The following PDPK1 variants were observed in gnomAD, a reference collection of about 807,000 sequenced individuals.
PDPK1 encodes the protein 3-phosphoinositide dependent protein kinase 1, also known as 3-phosphoinositide-dependent protein kinase 1.
A neutral mutation model predicts 39.8 loss-of-function variants in PDPK1; 7 were observed. That is an observed-to-expected ratio of 0.18 (90% CI 0.10 to 0.33). The LOEUF (loss-of-function observed/expected upper bound fraction) is 0.33. Ranked by LOEUF, PDPK1 falls within the 10% of genes least tolerant of loss-of-function variation. The pLI is 1.00. For missense variants in PDPK1, 182 were observed against 384.7 expected (o/e 0.47, Z 4.41); for synonymous variants, 118 against 159.1 (o/e 0.74, Z 1.95).
rs139080760 is a variant in PDPK1 at position 2,595,678 on chromosome 16, G to T, written c.1344-115G>T. On this transcript the variant is annotated intron_variant, in intron 11 of 13. Coordinates refer to ENST00000342085, the MANE Select transcript of PDPK1 (RefSeq NM_002613.5). The stretch of plus-strand genomic sequence containing the variant: ...CGTTCTCTGCTCATCCCAAAGTGAG[G>T]CTGGCTCTGTGAGGGGCAGGCCGAG... The T allele has an allele frequency of 9.2e-4, 733 of 796,782 alleles. 5 individuals carry two copies. The African/African-American group carries it at 0.011, about 12-fold the overall frequency. The allele number at this position is 796,782 out of a possible 1,614,324, so 49.4% of individuals were successfully genotyped here. A position where few individuals can be genotyped will look rare whatever the true frequency, so the allele number is the denominator to read the frequency against.
At position 2,597,483 on chromosome 16, in the gene PDPK1, G is replaced by A. The variant is rs527719535; in HGVS notation, c.1555-168G>A. On this transcript the variant is annotated intron_variant, in intron 13 of 13. Coordinates refer to ENST00000342085, the MANE Select transcript of PDPK1 (RefSeq NM_002613.5). This position sits in a 1 kb window ranked among gnomAD's most constrained non-coding sequence, Gnocchi z 6.3. The stretch of plus-strand genomic sequence containing the variant: ...CTTGTTTTTCAGTTTGGTGGTGACT[G>A]GGGGTGGTGGTCATCAGCCTGTGTA... Among the ~76,000 whole-genome samples the A allele has an allele frequency of 2.0e-5, 3 of 152,214 alleles. No individual in the cohort carries two copies. Among genetic ancestry groups the A allele is most frequent in the African/African-American group, 4.8e-5 (2 of 41,456 alleles).
At chr16:2,553,172 A>T (rs1474630094) in intron 1 of PDPK1, among the ~76,000 whole-genome samples, 1 of 130,840 alleles carries the variant, frequency 7.6e-6, no homozygotes, top group Non-Finnish European at 1.6e-5. Flanking sequence ...TTTTTTTTTA[A>T]AAAAAAAAAA....
Position 2,541,313 on chromosome 16 carries a change from C to G in PDPK1, c.24+3177C>G, listed in dbSNP as rs2066240851. On this transcript the variant is annotated intron_variant, in intron 1 of 13. Transcript: ENST00000342085. ...GCACTCATCCCCTGAGCCGCCTGAC[C>G]CAGGGTTTAGATGCTCCAGGGCAGC... Among the ~76,000 whole-genome samples the G allele has an allele frequency of 2.0e-5, 3 of 152,222 alleles. No homozygotes were observed. The South Asian group carries it at 6.2e-4, about 32-fold the overall frequency.
intron 11 of PDPK1, among the ~76,000 whole-genome samples, chr16:2,594,816 A>T (rs1220530865): frequency 2.0e-5 from 3 of 152,026 alleles, no homozygotes; most frequent in African/African-American, 7.2e-5. Flanking sequence ...CCCCATCTCT[A>T]CTAAAAATAC....
At chr16:2,539,768 A>T (rs1226446209) in intron 1 of PDPK1, among the ~76,000 whole-genome samples, 2 of 152,218 alleles carry the variant, frequency 1.3e-5, no homozygotes, top group Non-Finnish European at 2.9e-5. Context: ...AGTGACAGTC[A>T]TGGCGAAATT....
chr16:2,601,891 T>C lies in PDPK1; in HGVS notation c.*4124T>C, dbSNP rs1171782607. ...CACCCAAATTTGGTTGGATTCTTCA[T>C]TTCTCCACTGTAGTTGGGGTCCATT... On this transcript the variant is annotated 3_prime_UTR_variant, in exon 14 of 14. Transcript: ENST00000342085. The C allele has an allele frequency of 4.3e-6, 1 of 231,394 alleles. No individual in the cohort carries two copies. The highest frequency in any genetic ancestry group is 8.6e-6 in the Non-Finnish European group (1 of 116,168). 14.3% of individuals were successfully genotyped at this position (231,394 alleles called of 1,614,324 possible). A position where few individuals can be genotyped will look rare whatever the true frequency, so the allele number is the denominator to read the frequency against.
chr16:2,540,108 C>A (rs12930400), intron 1 of PDPK1, among the ~76,000 whole-genome samples: 19 of 152,206 alleles, frequency 1.2e-4, no homozygotes, highest in East Asian at 1.9e-4. Context: ...CAGCCCTGAT[C>A]CTGGATTTTC....
intron 1 of PDPK1, among the ~76,000 whole-genome samples, chr16:2,543,880 C>A (rs2066285616): frequency 7.2e-6 from 1 of 139,052 alleles, no homozygotes; most frequent in Non-Finnish European, 1.5e-5. Flanking sequence ...TGCCACCGCA[C>A]CCGGCTAATT....
chr16:2,590,582 C>A (rs547178646), intron 11 of PDPK1, among the ~76,000 whole-genome samples: 204 of 152,344 alleles, frequency 1.3e-3, no homozygotes, highest in Non-Finnish European at 1.7e-3. Context: ...GAGCGTCTGG[C>A]TGACGGGCAA....
chr16:2,586,048 G>A (rs1042668581), intron 10 of PDPK1, among the ~76,000 whole-genome samples: 2 of 152,190 alleles, frequency 1.3e-5, no homozygotes, highest in African/African-American at 4.8e-5. Flanking sequence ...GGCTGTGTCC[G>A]CTTGGCACGT....
chr16:2,593,112 G>A lies in PDPK1; in HGVS notation c.1344-2681G>A, dbSNP rs1449211933. On this transcript the variant is annotated intron_variant, in intron 11 of 13. Coordinates refer to ENST00000342085, the MANE Select transcript of PDPK1 (RefSeq NM_002613.5). This position sits in a 1 kb window ranked among gnomAD's most constrained non-coding sequence, Gnocchi z 4.2. Reference sequence around the variant, plus strand: ...TTCCTCAGTGAGTCCTCCCCAGGCTGCAGGTGCCGAGCGGGAGCACCACTC... The same window carrying A: ...TTCCTCAGTGAGTCCTCCCCAGGCTACAGGTGCCGAGCGGGAGCACCACTC... 2.2e-6 allele frequency: 1 copy of A among 455,442 alleles called. No individual in the cohort carries two copies. Among genetic ancestry groups the A allele is most frequent in the Admixed American group, 2.3e-5 (1 of 42,586 alleles). The allele number at this position is 455,442 out of a possible 1,614,324, so 28.2% of individuals were successfully genotyped here. A position where few individuals can be genotyped will look rare whatever the true frequency, so the allele number is the denominator to read the frequency against.
intron 1 of PDPK1, among the ~76,000 whole-genome samples, chr16:2,552,461 G>T (rs996214517): frequency 2.6e-5 from 4 of 151,736 alleles, no homozygotes; most frequent in Admixed American, 2.6e-4. Flanking sequence ...CCTATCAGAG[G>T]TGTGGTTGGG....
rs887917765 is a variant in PDPK1, at chr16:2,601,991, G to A, written c.*4224G>A. 2.1e-5 allele frequency: 5 copies of A among 233,778 alleles called. No individual in the cohort carries two copies. The highest frequency in any genetic ancestry group is 1.1e-4 in the African/African-American group (5 of 45,146). The allele number at this position is 233,778 out of a possible 1,614,324, so 14.5% of individuals were successfully genotyped here. A position where few individuals can be genotyped will look rare whatever the true frequency, so the allele number is the denominator to read the frequency against. On this transcript the variant is annotated 3_prime_UTR_variant, in exon 14 of 14. Coordinates refer to ENST00000342085, the MANE Select transcript of PDPK1 (RefSeq NM_002613.5). ...GCTGCTTCACTCTACCAGAGATTAT[G>A]GCCAAATTGCACGGAATTTGGTTTC... is the stretch of plus-strand genomic sequence containing the variant.
Position 2,597,152 on chromosome 16 carries a change from G to A in PDPK1, c.1431G>A (p.Leu477=). 1.3e-6 allele frequency: 2 copies of A among 1,569,504 alleles called. No homozygotes were observed. Among genetic ancestry groups the A allele is most frequent in the Non-Finnish European group, 1.7e-6 (2 of 1,149,430 alleles). The stretch of plus-strand genomic sequence containing the variant: ...TATTTGCAAGACGACGACAGCTGTT[G>A]CTCACAGAAGGACCACATTTATATT... ...KGLFARRRQL[L]LTEGPHLYYV... Residue 477 remains leucine, a synonymous_variant, in exon 13 of 14, where the codon TTG becomes TTA. Transcript: ENST00000342085. The surrounding 1 kb of genome is among the most constrained non-coding windows in gnomAD (Gnocchi z 6.3).
At chr16:2,541,778 G>A (rs957469657) in intron 1 of PDPK1, among the ~76,000 whole-genome samples, 1 of 152,188 alleles carries the variant, frequency 6.6e-6, no homozygotes, top group African/African-American at 2.4e-5. Flanking sequence ...CAGCAGAATT[G>A]CATTATTCAC....
chr16:2,589,054 A>C (rs1247073241), intron 11 of PDPK1, among the ~76,000 whole-genome samples: 1 of 152,054 alleles, frequency 6.6e-6, no homozygotes, highest in East Asian at 1.9e-4. Context: ...CTCCTGGGTT[A>C]AAGTGATTCT....
At chr16:2,592,729 T>C in intron 11 of PDPK1, 1 of 452,492 alleles carries the variant, frequency 2.2e-6, no homozygotes, top group Non-Finnish European at 4.4e-6. Flanking sequence ...AGGAGCTGTT[T>C]CTGTCGTGAG....
intron 11 of PDPK1, 111 bp downstream of exon 11, chr16:2,587,004 C>T (rs377374993): frequency 3.0e-5 from 28 of 927,984 alleles, no homozygotes; most frequent in African/African-American, 8.0e-5. Context: ...CAGCCTTGGA[C>T]GCTTGGCCAA....
In PDPK1 at chr16:2,599,770, CTCTCTCAGA is replaced by C. The variant is rs1433460555; in HGVS notation, c.*2012_*2020del. 2 of 233,630 alleles carry C rather than the reference CTCTCTCAGA, an allele frequency of 8.6e-6. No homozygotes were observed. Among genetic ancestry groups the C allele is most frequent in the Non-Finnish European group, 1.7e-5 (2 of 118,350 alleles). 14.5% of individuals were successfully genotyped at this position (233,630 alleles called of 1,614,324 possible). A position where few individuals can be genotyped will look rare whatever the true frequency, so the allele number is the denominator to read the frequency against. Reference sequence around the variant, plus strand: ...CCTGTGTCTCCATGTAGGAGAGTGGCTCTCTCAGATCTCTCAGGGCGTCTGGTTATAGGG... The same window carrying C: ...CCTGTGTCTCCATGTAGGAGAGTGGCTCTCTCAGGGCGTCTGGTTATAGGG... On this transcript the variant is annotated 3_prime_UTR_variant, in exon 14 of 14. Coordinates refer to ENST00000342085, the MANE Select transcript of PDPK1 (RefSeq NM_002613.5).
Sources: gnomAD v4.1 joint callset for allele counts (sites outside exome capture counted in the v4.1 genomes callset) on GRCh38, gnomAD v4.1.1 for gene constraint, Gnocchi (gnomAD v3.1) non-coding constraint, MANE v1.5 for transcripts, NCBI Gene and HGNC (gene_info 2026-07-23, HGNC 2026-07-21) for gene names.